Variants in CLPB observed in about 807,000 individuals in gnomAD.
The protein encoded by CLPB is ClpB family mitochondrial disaggregase.
A neutral mutation model predicts 78.4 loss-of-function variants in CLPB; 40 were observed. The ratio of observed to expected loss-of-function variants is 0.51; its 90% confidence interval spans 0.40 to 0.66. The LOEUF is 0.66. CLPB is among the 30% of genes least tolerant of loss of function. The pLI is 0.00. For synonymous variants in CLPB, 333 were observed against 348.0 expected (o/e 0.96, Z 0.48); for missense variants, 780 against 886.9 (o/e 0.88, Z 1.53).
At chr11:72,320,806 G>C (rs1473620874) in intron 6 of CLPB, among the ~76,000 whole-genome samples, 1 of 152,084 alleles carries the variant, frequency 6.6e-6, no homozygotes, top group East Asian at 1.9e-4. Flanking sequence ...TCCGTCTCCT[G>C]GGTTCAAGCA....
chr11:72,302,931 T>G (rs1290485341), intron 9 of CLPB: 1 of 153,640 alleles, frequency 6.5e-6, no homozygotes, highest in South Asian at 2.0e-4. Context: ...GTATTTACAT[T>G]TCTTCATTTC....
intron 4 of CLPB, among the ~76,000 whole-genome samples, chr11:72,363,112 C>T (rs778179429): frequency 1.3e-5 from 2 of 151,232 alleles, no homozygotes; most frequent in Non-Finnish European, 2.9e-5. Flanking sequence ...GCCGAGATCA[C>T]GCCACTGCAC....
chr11:72,360,505 G>C (rs554392758), intron 4 of CLPB, among the ~76,000 whole-genome samples: 1 of 151,868 alleles, frequency 6.6e-6, no homozygotes, highest in Non-Finnish European at 1.5e-5. Context: ...GCAGTGGCGC[G>C]ATCTGGCTCA....
intron 3 of CLPB, among the ~76,000 whole-genome samples, chr11:72,380,735 C>A (rs1854885797): frequency 6.6e-6 from 1 of 152,178 alleles, no homozygotes; most frequent in African/African-American, 2.4e-5. Context: ...AGTTACTTAA[C>A]ACCTTTCTAA....
chr11:72,332,207 G>A (rs1457045617), intron 5 of CLPB, among the ~76,000 whole-genome samples: 2 of 151,918 alleles, frequency 1.3e-5, no homozygotes, highest in Non-Finnish European at 2.9e-5. Context: ...TCAAGGCCGG[G>A]CACAGTGGTT....
intron 5 of CLPB, among the ~76,000 whole-genome samples, chr11:72,358,171 T>A (rs1054923916): frequency 3.9e-5 from 6 of 152,174 alleles, no homozygotes; most frequent in African/African-American, 1.4e-4. Context: ...ATGTTTTGTC[T>A]CTCCAATTAA....
At chr11:72,347,613 A>G (rs888024252) in intron 5 of CLPB, among the ~76,000 whole-genome samples, 3 of 152,248 alleles carry the variant, frequency 2.0e-5, no homozygotes, top group Non-Finnish European at 4.4e-5. Flanking sequence ...ATGTACAAGT[A>G]TTAACTATTC....
chr11:72,315,376 T>G (rs1440081661), intron 7 of CLPB, among the ~76,000 whole-genome samples: 2 of 152,172 alleles, frequency 1.3e-5, no homozygotes, highest in African/African-American at 4.8e-5. Context: ...TTCCTCAGGA[T>G]CGAGAGCAGC....
At chr11:72,380,219 G>C (rs919609180) in intron 4 of CLPB, 62 bp downstream of exon 4, 3 of 1,273,232 alleles carry the variant, frequency 2.4e-6, no homozygotes, top group Non-Finnish European at 3.4e-6. Flanking sequence ...ACACCACAGA[G>C]CAAGGCTGCA....
intron 5 of CLPB, among the ~76,000 whole-genome samples, chr11:72,330,108 A>G (rs1950197901): frequency 6.6e-6 from 1 of 152,268 alleles, no homozygotes; most frequent in Admixed American, 6.5e-5. Flanking sequence ...ATACAATTTC[A>G]TACATGTATT....
At chr11:72,389,403 G>A (rs577660798) in intron 3 of CLPB, among the ~76,000 whole-genome samples, 65 of 152,336 alleles carry the variant, frequency 4.3e-4, no homozygotes, top group African/African-American at 1.5e-3. Flanking sequence ...TTCTGATGCT[G>A]GCATACTGGC....
rs1477245517 is a variant in CLPB at position 72,288,701 on chromosome 11, C to T, written c.*4666G>A. The T allele has an allele frequency of 6.6e-6, 1 of 152,258 alleles. No homozygotes were observed. Among genetic ancestry groups the T allele is most frequent in the Non-Finnish European group, 1.5e-5 (1 of 68,084 alleles). 9.4% of individuals were successfully genotyped at this position (152,258 alleles called of 1,614,324 possible). A position where few individuals can be genotyped will look rare whatever the true frequency, so the allele number is the denominator to read the frequency against. ...TAATAAAGGAACATCTGTCATATGC[C>T]TGCACTGTGCCAGGTTCTGTGAATG... is the stretch of plus-strand genomic sequence containing the variant. On this transcript the variant is annotated 3_prime_UTR_variant, in exon 16 of 16. Transcript: ENST00000538039.
chr11:72,424,148 T>A (rs374844529), intron 2 of CLPB, among the ~76,000 whole-genome samples: 2 of 152,248 alleles, frequency 1.3e-5, no homozygotes, highest in African/African-American at 4.8e-5. Context: ...GGTTCATCCA[T>A]GTTGTAGCAC....
Position 72,403,046 on chromosome 11 carries a change from C to CA in CLPB, c.461dup (p.Leu154PhefsTer39). The CA allele has an allele frequency of 6.2e-7, 1 of 1,613,244 alleles. No individual in the cohort carries two copies. The highest frequency in any genetic ancestry group is 8.5e-7 in the Non-Finnish European group (1 of 1,179,942). On this transcript the variant is annotated frameshift_variant, in exon 3 of 16. Coordinates refer to ENST00000538039, the MANE Select transcript of CLPB (RefSeq NM_001258392.3). LOFTEE classifies it high-confidence loss of function. ...TTGCATTGACATCTGCACCTTCTGA[C>CA]AACAGCCTAAAACAAGACAGAGGAA... is the stretch of plus-strand genomic sequence containing the variant.
chr11:72,295,535 C>A lies in CLPB; in HGVS notation c.1443G>T (p.Gln481His), dbSNP rs751729853. The A allele has an allele frequency of 6.2e-7, 1 of 1,614,214 alleles. No individual in the cohort carries two copies. The highest frequency in any genetic ancestry group is 8.5e-7 in the Non-Finnish European group (1 of 1,180,036). The stretch of plus-strand genomic sequence containing the variant: ...GGTTACGGCTCATCTCCAAAGCTTC[C>A]TGCCTCAGCTGCAGCGCGTGCTGTG... ...EIAQHALQLR[Q>H]EALEMSRNRI... The change falls in exon 12 of 16, where the codon CAG (glutamine) becomes CAT (histidine). Residue 481 changes from glutamine to histidine, a missense_variant. By Grantham distance (24) the Gln-to-His change is conservative. Around this residue, in one of 3 missense-constraint regions of CLPB, gnomAD observed 272 missense variants for 304.0 expected, o/e 0.89. Coordinates refer to ENST00000538039, the MANE Select transcript of CLPB (RefSeq NM_001258392.3).
At chr11:72,337,868 G>A (rs1950349557) in intron 5 of CLPB, among the ~76,000 whole-genome samples, 2 of 152,186 alleles carry the variant, frequency 1.3e-5, no homozygotes. Flanking sequence ...AAGGGGACAA[G>A]ATGAGGCTCC....
At chr11:72,392,490 A>G (rs545416465) in intron 3 of CLPB, among the ~76,000 whole-genome samples, 1 of 152,312 alleles carries the variant, frequency 6.6e-6, no homozygotes, top group Non-Finnish European at 1.5e-5. Context: ...CACAGAGAAC[A>G]GTTTTCTTTT....
At chr11:72,410,185 G>A (rs1021506800) in intron 2 of CLPB, among the ~76,000 whole-genome samples, 2 of 152,044 alleles carry the variant, frequency 1.3e-5, no homozygotes, top group East Asian at 1.9e-4. Flanking sequence ...AGCCAAGATC[G>A]TGCCACTGTA....
chr11:72,349,555 G>T (rs1565454096), intron 5 of CLPB, among the ~76,000 whole-genome samples: 2 of 152,216 alleles, frequency 1.3e-5, no homozygotes, highest in Non-Finnish European at 2.9e-5. Context: ...TTTGGGAAGG[G>T]ACACTTGGTT....
Sources: allele counts gnomAD v4.1 joint callset (sites outside exome capture counted in the v4.1 genomes callset), GRCh38; gene constraint gnomAD v4.1.1; regional missense constraint gnomAD v4.1.1; transcripts MANE v1.5; gene names NCBI Gene and HGNC (gene_info 2026-07-23, HGNC 2026-07-21).